WWOX: variants seen among roughly 807,000 people sequenced by gnomAD.
WWOX encodes the protein WW domain containing oxidoreductase.
WWOX carries 69 observed loss-of-function variants against 46.2 expected under a neutral mutation model. That is an observed-to-expected ratio of 1.49 (90% CI 1.23 to 1.82). WWOX has a LOEUF of 1.82. Among genes scored for constraint, WWOX ranks in the 40% most tolerant of loss-of-function variants. The pLI is 0.00. For missense variants in WWOX, 919 were observed against 542.6 expected (o/e 1.69, Z -6.89); for synonymous variants, 359 against 202.6 (o/e 1.77, Z -6.56).
chr16:79,006,050 G>C (rs767403161), intron 8 of WWOX, among the ~76,000 whole-genome samples: 5 of 152,186 alleles, frequency 3.3e-5, no homozygotes, highest in Non-Finnish European at 7.3e-5. Context: ...GCTCAGCGCT[G>C]AGTGAACCCA....
chr16:78,935,378 G>C (rs1326717828), intron 8 of WWOX, among the ~76,000 whole-genome samples: 1 of 152,110 alleles, frequency 6.6e-6, no homozygotes, highest in Non-Finnish European at 1.5e-5. Context: ...TGATAGACTG[G>C]ATTAAGAAAA....
chr16:79,082,595 C>T (rs368598493), intron 8 of WWOX, among the ~76,000 whole-genome samples: 6 of 152,232 alleles, frequency 3.9e-5, no homozygotes, highest in Middle Eastern at 3.4e-3. Flanking sequence ...AAACACAGCC[C>T]GCCAGAAAGT....
intron 8 of WWOX, among the ~76,000 whole-genome samples, chr16:79,069,982 A>G (rs538042610): frequency 1.3e-5 from 2 of 152,348 alleles, no homozygotes; most frequent in East Asian, 3.9e-4. Context: ...ATTAGTATTC[A>G]AGCATTTAGA....
intron 8 of WWOX, among the ~76,000 whole-genome samples, chr16:78,625,713 A>T (rs1196783777): frequency 1.3e-5 from 2 of 148,982 alleles, no homozygotes; most frequent in African/African-American, 5.0e-5. Context: ...GTTTTTTGCT[A>T]TTAAAAGTAA....
intron 8 of WWOX, among the ~76,000 whole-genome samples, chr16:78,605,808 T>C (rs893588671): frequency 6.6e-6 from 1 of 152,182 alleles, no homozygotes; most frequent in Non-Finnish European, 1.5e-5. Context: ...ATGGTTAAAT[T>C]GAACCTTTCC....
chr16:78,175,161 C>A (rs949921846), intron 5 of WWOX, among the ~76,000 whole-genome samples: 10 of 151,986 alleles, frequency 6.6e-5, no homozygotes, highest in Non-Finnish European at 1.0e-4. Context: ...AGCTAGCTGG[C>A]CTTCCACAGG....
At chr16:78,664,470 C>T (rs1185607186) in intron 8 of WWOX, among the ~76,000 whole-genome samples, 2 of 152,202 alleles carry the variant, frequency 1.3e-5, no homozygotes, top group Non-Finnish European at 2.9e-5. Flanking sequence ...TGGATCATTA[C>T]CAGCCTGTAC....
At chr16:78,379,342 C>T (rs1005141342) in intron 5 of WWOX, among the ~76,000 whole-genome samples, 5 of 152,096 alleles carry the variant, frequency 3.3e-5, no homozygotes, top group Non-Finnish European at 7.4e-5. Flanking sequence ...AACAGCAACC[C>T]TTCTCTCTGC....
At chr16:79,031,138 G>A (rs1184208673) in intron 8 of WWOX, among the ~76,000 whole-genome samples, 1 of 151,920 alleles carries the variant, frequency 6.6e-6, no homozygotes, top group East Asian at 1.9e-4. Flanking sequence ...AAACACTAGG[G>A]TTGCTTTAAA....
intron 8 of WWOX, among the ~76,000 whole-genome samples, chr16:79,122,624 T>G (rs2049662331): frequency 6.6e-6 from 1 of 151,982 alleles, no homozygotes; most frequent in African/African-American, 2.4e-5. Context: ...TCTCTACTTT[T>G]CTTCTTCCCT....
At chr16:78,928,995 G>A (rs745954053) in intron 8 of WWOX, among the ~76,000 whole-genome samples, 2 of 152,116 alleles carry the variant, frequency 1.3e-5, no homozygotes, top group Non-Finnish European at 2.9e-5. Flanking sequence ...GTACATTTCT[G>A]TATATATAAT....
intron 8 of WWOX, among the ~76,000 whole-genome samples, chr16:78,859,025 AAAATATATATATATATATATATATGT>A (rs1425064093): frequency 3.8e-4 from 12 of 31,446 alleles, no homozygotes; most frequent in African/African-American, 2.4e-3. Context: ...AAAAAAAAAA[AAAATATATATATATATATATATATGT>A]ATATATATAT....
rs79526268 is a variant in WWOX at position 78,545,857 on chromosome 16, A to G, written c.1056+113105A>G. Among the ~76,000 whole-genome samples the G allele has an allele frequency of 9.6e-3, 1,465 of 152,160 alleles. 26 individuals are homozygous for G. The highest frequency in any genetic ancestry group is 0.071 in the East Asian group (366 of 5,144). ...GCCTTCCGTCTGTTTCTTGGTGCAC[A>G]TCCCTGGTGTCTCTTCCTCCTCTTA... On this transcript the variant is annotated intron_variant, in intron 8 of 8. Transcript: ENST00000566780.
chr16:78,449,647 C>G (rs2083643747), intron 8 of WWOX, among the ~76,000 whole-genome samples: 1 of 152,160 alleles, frequency 6.6e-6, no homozygotes, highest in African/African-American at 2.4e-5. Context: ...AGAGAGGCAC[C>G]AAATGCACCC....
In WWOX at chr16:78,856,016, C is replaced by G. The variant is rs536088154; in HGVS notation, c.1057-355592C>G. The stretch of plus-strand genomic sequence containing the variant: ...GAAGGAGGTGACTAACTTTATCTAA[C>G]TTTACTTGCAGGGCAAGGCAAATAA... On this transcript the variant is annotated intron_variant, in intron 8 of 8. Coordinates refer to ENST00000566780, the MANE Select transcript of WWOX (RefSeq NM_016373.4). Among the ~76,000 whole-genome samples, 20 of 152,316 alleles carry G rather than the reference C, an allele frequency of 1.3e-4. No homozygotes were observed. In the South Asian group the frequency reaches 3.9e-3, roughly 30 times the overall value.
At chr16:79,163,795 CAAAAAAAAAAAA>C (rs66922536) in intron 8 of WWOX, among the ~76,000 whole-genome samples, 4 of 102,246 alleles carry the variant, frequency 3.9e-5, no homozygotes, top group Admixed American at 9.4e-5. Flanking sequence ...AACTCCACCT[CAAAAAAAAAAAA>C]AAAAAAAAAA....
At chr16:78,774,511 TGTGTGTGTGTGTG>T in intron 8 of WWOX, among the ~76,000 whole-genome samples, 2 of 56,872 alleles carry the variant, frequency 3.5e-5, no homozygotes, top group African/African-American at 1.1e-4. Flanking sequence ...TGTGTGTGTG[TGTGTGTGTGTGTG>T]TGTGTGTGCG....
At chr16:78,658,009 A>C (rs1349343925) in intron 8 of WWOX, among the ~76,000 whole-genome samples, 1 of 152,070 alleles carries the variant, frequency 6.6e-6, no homozygotes, top group Non-Finnish European at 1.5e-5. Context: ...GAGTTTCTCA[A>C]CCTTGGCACT....
intron 8 of WWOX, among the ~76,000 whole-genome samples, chr16:78,909,052 A>C (rs375788677): frequency 2.6e-5 from 4 of 152,358 alleles, no homozygotes; most frequent in African/African-American, 4.8e-5. Context: ...TTTCAAAGTT[A>C]AACCGTAAAC....
Sources: allele counts gnomAD v4.1 joint callset (sites outside exome capture counted in the v4.1 genomes callset), GRCh38; gene constraint gnomAD v4.1.1; transcripts MANE v1.5; gene names NCBI Gene and HGNC (gene_info 2026-07-23, HGNC 2026-07-21).